The following DPP10 variants were observed in gnomAD, a reference collection of about 807,000 sequenced individuals.
DPP10 encodes the protein inactive dipeptidyl peptidase 10.
In DPP10, 33 loss-of-function variants were observed where a neutral mutation model predicts 120.9. The ratio of observed to expected loss-of-function variants is 0.27; its 90% confidence interval spans 0.21 to 0.37. The LOEUF (loss-of-function observed/expected upper bound fraction) is 0.37. DPP10 is among the 10% of genes least tolerant of loss of function. The pLI is 1.00. For missense variants in DPP10, 816 were observed against 942.8 expected, an observed-to-expected ratio of 0.87 and a Z score of 1.76; for synonymous variants, 337 against 326.1, an observed-to-expected ratio of 1.03 and a Z score of -0.36.
At chr2:114,509,180 C>T (rs189883143) in intron 1 of DPP10, among the ~76,000 whole-genome samples, 23 of 152,240 alleles carry the variant, frequency 1.5e-4, no homozygotes, top group Non-Finnish European at 2.4e-4. Flanking sequence ...TGTGGTTTTG[C>T]CAGATGCTCT....
chr2:115,638,826 T>C (rs1442459002), intron 5 of DPP10, among the ~76,000 whole-genome samples: 1 of 152,132 alleles, frequency 6.6e-6, no homozygotes, highest in Non-Finnish European at 1.5e-5. Flanking sequence ...GGGTTTATTA[T>C]AGGAATCAGA....
chr2:114,686,144 A>G (rs898748832), intron 1 of DPP10, among the ~76,000 whole-genome samples: 12 of 151,930 alleles, frequency 7.9e-5, no homozygotes, highest in Non-Finnish European at 1.6e-4. Flanking sequence ...TGATGCAAGG[A>G]AAAGAGAATG....
At chr2:115,749,887 TA>T in intron 10 of DPP10, 2 of 637,778 alleles carry the variant, frequency 3.1e-6, no homozygotes, top group Non-Finnish European at 3.9e-6. Flanking sequence ...CCATTCCACA[TA>T]ACCTTGTGTA....
At chr2:115,402,210 T>C (rs2068121327) in intron 3 of DPP10, among the ~76,000 whole-genome samples, 1 of 152,156 alleles carries the variant, frequency 6.6e-6, no homozygotes, top group South Asian at 2.1e-4. Flanking sequence ...GTTTCTACAG[T>C]TGGGAAAGTT....
intron 1 of DPP10, among the ~76,000 whole-genome samples, chr2:114,550,728 C>T (rs1687815198): frequency 6.6e-6 from 1 of 152,206 alleles, no homozygotes; most frequent in Non-Finnish European, 1.5e-5. Flanking sequence ...TTCTGTGACA[C>T]ATTATACCAG....
intron 1 of DPP10, among the ~76,000 whole-genome samples, chr2:114,607,551 G>A (rs1000359260): frequency 2.0e-5 from 3 of 152,034 alleles, no homozygotes; most frequent in African/African-American, 7.2e-5. Flanking sequence ...CCATTTTCTT[G>A]TTCACTGGAT....
chr2:115,560,401 A>AAAAAAT (rs2080540768), intron 5 of DPP10, among the ~76,000 whole-genome samples: 1 of 19,738 alleles, frequency 5.1e-5, no homozygotes, highest in Non-Finnish European at 8.5e-5. Context: ...AAAAAAAAAA[A>AAAAAAT]AAATATATAT....
rs1337224258 is a variant in DPP10 at position 114,670,335 on chromosome 2, G to C, written c.60+227497G>C. Among the ~76,000 whole-genome samples the C allele has an allele frequency of 5.9e-5, 9 of 152,186 alleles. No individual in the cohort carries two copies. The East Asian group carries it at 1.5e-3, about 26-fold the overall frequency. Reference sequence around the variant, plus strand: ...GAAAATGTGGTACATATACACCACGGAATACTATGCAGCCATAAAAAAGGA... The same window carrying C: ...GAAAATGTGGTACATATACACCACGCAATACTATGCAGCCATAAAAAAGGA... On this transcript the variant is annotated intron_variant, in intron 1 of 25. Transcript: ENST00000410059.
chr2:114,555,593 GGC>G (rs879800714), intron 1 of DPP10, among the ~76,000 whole-genome samples: 41 of 152,082 alleles, frequency 2.7e-4, no homozygotes, highest in Non-Finnish European at 5.6e-4. Context: ...CTATGCTGCA[GGC>G]CCTTTTCTAG....
At chr2:115,369,618 A>C (rs1209641636) in intron 3 of DPP10, among the ~76,000 whole-genome samples, 1 of 152,056 alleles carries the variant, frequency 6.6e-6, no homozygotes, top group Non-Finnish European at 1.5e-5. Flanking sequence ...TTAAGACAAG[A>C]AGTATAACAG....
chr2:114,949,736 G>C (rs906659450), intron 1 of DPP10, among the ~76,000 whole-genome samples: 1 of 152,138 alleles, frequency 6.6e-6, no homozygotes, highest in Admixed American at 6.5e-5. Flanking sequence ...TCTCAGTGCT[G>C]ATGATTGAAA....
chr2:114,693,555 C>G (rs1699894905), intron 1 of DPP10, among the ~76,000 whole-genome samples: 1 of 151,772 alleles, frequency 6.6e-6, no homozygotes, highest in African/African-American at 2.4e-5. Context: ...GATTATGTGT[C>G]CTGGGGTTGA....
chr2:114,447,875 T>C (rs1158891181), intron 1 of DPP10, among the ~76,000 whole-genome samples: 1 of 152,164 alleles, frequency 6.6e-6, no homozygotes, highest in East Asian at 1.9e-4. Context: ...GAGAGAAAAC[T>C]TTTTTCTCTT....
chr2:114,915,122 C>T (rs1694696201), intron 1 of DPP10, among the ~76,000 whole-genome samples: 1 of 116,556 alleles, frequency 8.6e-6, no homozygotes, highest in South Asian at 3.3e-4. Context: ...CAGAACGAGA[C>T]TCCGTCTCAA....
intron 1 of DPP10, among the ~76,000 whole-genome samples, chr2:114,550,661 A>T (rs1687811626): frequency 6.6e-6 from 1 of 152,130 alleles, no homozygotes; most frequent in South Asian, 2.1e-4. Flanking sequence ...GTTTTTCCAG[A>T]TTCACCTCAA....
chr2:115,304,592 A>G (rs568739181), intron 1 of DPP10, among the ~76,000 whole-genome samples: 5 of 152,158 alleles, frequency 3.3e-5, no homozygotes, highest in Non-Finnish European at 5.9e-5. Context: ...TTTTCAGACT[A>G]TTTCAATATA....
At chr2:114,668,073 C>A (rs12711802) in intron 1 of DPP10, among the ~76,000 whole-genome samples, 45,249 of 151,740 alleles carry the variant, frequency 0.3, 9,074 homozygotes, top group African/African-American at 0.56. Flanking sequence ...AGTATTGGTC[C>A]TGAGTTCTCC....
At chr2:114,894,186 A>G (rs999458845) in intron 1 of DPP10, among the ~76,000 whole-genome samples, 3 of 152,206 alleles carry the variant, frequency 2.0e-5, no homozygotes, top group Non-Finnish European at 4.4e-5. Context: ...ACACACATTA[A>G]TAATTCCCCT....
chr2:115,405,107 A>G (rs902399985), intron 3 of DPP10, among the ~76,000 whole-genome samples: 3 of 152,176 alleles, frequency 2.0e-5, no homozygotes, highest in African/African-American at 7.2e-5. Flanking sequence ...CTAAAGTCCA[A>G]AGCTTCATCT....
Sources: allele counts gnomAD v4.1 joint callset (sites outside exome capture counted in the v4.1 genomes callset), GRCh38; gene constraint gnomAD v4.1.1; transcripts MANE v1.5; gene names NCBI Gene and HGNC (gene_info 2026-07-23, HGNC 2026-07-21).